ORC3: variants seen among roughly 807,000 people sequenced by gnomAD.
ORC3 encodes homolog of latheo, Drosophila.
A neutral mutation model predicts 100.7 loss-of-function variants in ORC3; 78 were observed. That is an observed-to-expected ratio of 0.77 (90% CI 0.65 to 0.94). The LOEUF (loss-of-function observed/expected upper bound fraction) is 0.94. Among genes scored for constraint, ORC3 ranks in the 40% least tolerant of loss-of-function variants. The pLI is 0.00. For synonymous variants in ORC3, 295 were observed against 289.3 expected, an observed-to-expected ratio of 1.02 and a Z score of -0.20; for missense variants, 789 against 823.9, an observed-to-expected ratio of 0.96 and a Z score of 0.52.
chr6:87,596,038 A>G (rs1777408328), intron 2 of ORC3, among the ~76,000 whole-genome samples: 1 of 151,400 alleles, frequency 6.6e-6, no homozygotes, highest in South Asian at 2.1e-4. Context: ...ACAGGGTCTC[A>G]CTTTGTTGCC....
chr6:87,591,903 G>A (rs1777039910), intron 1 of ORC3, among the ~76,000 whole-genome samples: 1 of 152,034 alleles, frequency 6.6e-6, no homozygotes, highest in Admixed American at 6.6e-5. Context: ...AGCTAATTTT[G>A]TATTTTTAGA....
chr6:87,661,567 T>C (rs1157867212), intron 16 of ORC3, among the ~76,000 whole-genome samples: 1 of 152,074 alleles, frequency 6.6e-6, no homozygotes, highest in Non-Finnish European at 1.5e-5. Flanking sequence ...ACAAAGCAAG[T>C]GTAGGGGATT....
chr6:87,597,004 T>C (rs1777495246), intron 2 of ORC3, among the ~76,000 whole-genome samples: 1 of 152,200 alleles, frequency 6.6e-6, no homozygotes, highest in African/African-American at 2.4e-5. Flanking sequence ...CTAGTGACCT[T>C]ATTCAATTCC....
At chr6:87,591,119 A>G (rs1562307396) in intron 1 of ORC3, among the ~76,000 whole-genome samples, 1 of 152,254 alleles carries the variant, frequency 6.6e-6, no homozygotes, top group African/African-American at 2.4e-5. Context: ...GTGCTCAATC[A>G]TCACATGTGG....
At chr6:87,643,516 A>G (rs1306554348) in intron 13 of ORC3, among the ~76,000 whole-genome samples, 1 of 152,170 alleles carries the variant, frequency 6.6e-6, no homozygotes, top group East Asian at 1.9e-4. Flanking sequence ...TAGGCAGTTG[A>G]TCTCAAATTG....
the ORC3 span, among the ~76,000 whole-genome samples, chr6:87,676,596 A>AAC: frequency 0.019 from 2,685 of 142,080 alleles, 33 homozygotes; most frequent in African/African-American, 0.026. Flanking sequence ...CTCTACTAAA[A>AAC]ACACACACAC....
intron 11 of ORC3, among the ~76,000 whole-genome samples, chr6:87,632,289 G>T (rs944558736): frequency 6.6e-6 from 1 of 152,186 alleles, no homozygotes; most frequent in Non-Finnish European, 1.5e-5. Context: ...CATTTGTGAT[G>T]TTTTTTGTTG....
downstream of ORC3, among the ~76,000 whole-genome samples, chr6:87,670,100 C>T (rs1562392578): frequency 1.3e-5 from 2 of 152,270 alleles, no homozygotes; most frequent in Non-Finnish European, 1.5e-5. Context: ...CCAACATAAA[C>T]GCATGTCATG....
intron 4 of ORC3, 147 bp downstream of exon 4, chr6:87,603,675 A>C: frequency 2.3e-6 from 1 of 435,632 alleles, no homozygotes; most frequent in Non-Finnish European, 4.1e-6. Flanking sequence ...TATAGTTTAT[A>C]TTACATATTT....
chr6:87,618,527 G>A (rs1042018360), intron 9 of ORC3, among the ~76,000 whole-genome samples: 13 of 152,136 alleles, frequency 8.5e-5, no homozygotes, highest in African/African-American at 2.7e-4. Context: ...AACATGCCCT[G>A]GGGTTCCATA....
intron 18 of ORC3, among the ~76,000 whole-genome samples, chr6:87,665,095 C>G (rs560616278): frequency 6.6e-6 from 1 of 152,290 alleles, no homozygotes; most frequent in African/African-American, 2.4e-5. Flanking sequence ...CAAGCCAATT[C>G]TGTGTTCATG....
chr6:87,663,976 G>C (rs143921773), intron 17 of ORC3, among the ~76,000 whole-genome samples: 57 of 152,184 alleles, frequency 3.7e-4, no homozygotes, highest in African/African-American at 1.3e-3. Flanking sequence ...TGAGTAGGAC[G>C]ATATAAGTCA....
At chr6:87,658,482 T>G (rs553220671) in intron 16 of ORC3, among the ~76,000 whole-genome samples, 1 of 152,220 alleles carries the variant, frequency 6.6e-6, no homozygotes, top group Admixed American at 6.5e-5. Context: ...AATTGTAATT[T>G]TTATTCTTTT....
chr6:87,648,821 T>C (rs1175022689), intron 13 of ORC3, among the ~76,000 whole-genome samples: 1 of 152,244 alleles, frequency 6.6e-6, no homozygotes, highest in East Asian at 1.9e-4. Context: ...CAGACCCTTT[T>C]TTGATACATA....
chr6:87,666,901 A>G (rs1770688068), intron 19 of ORC3, 117 bp from the exon 20 acceptor site: 2 of 590,866 alleles, frequency 3.4e-6, no homozygotes, highest in Non-Finnish European at 6.1e-6. Context: ...AGTTTAATTT[A>G]GGAGTTTATA....
chr6:87,595,140 G>GA (rs1435466291), intron 2 of ORC3: 2 of 152,158 alleles, frequency 1.3e-5, no homozygotes, highest in Non-Finnish European at 2.9e-5. Context: ...TACATGCTGA[G>GA]AAAAAAGCCC....
chr6:87,636,717 G>GA (rs1214982373), intron 13 of ORC3, among the ~76,000 whole-genome samples: 2 of 152,152 alleles, frequency 1.3e-5, no homozygotes, highest in African/African-American at 4.8e-5. Flanking sequence ...GTTTTTAAAG[G>GA]AAAATCCATG....
rs67349945 is a variant in ORC3 at position 87,610,934 on chromosome 6, C to CTTTTTT, written c.714-1140_714-1135dup. 1.0e-3 allele frequency among the ~76,000 whole-genome samples: 109 copies of CTTTTTT among 106,746 alleles called. 1 individual carries two copies. The highest frequency in any genetic ancestry group is 1.2e-3 in the Admixed American group (10 of 8,592). 70.0% of individuals were successfully genotyped at this position (106,746 alleles called of 152,430 possible). ...AAGAGTTCTATATATTAGGACTTTT[C>CTTTTTT]TTTTTTTTTTTTTTTTTTTTGAGAC... On this transcript the variant is annotated intron_variant, in intron 7 of 19. Coordinates refer to ENST00000392844, the MANE Select transcript of ORC3 (RefSeq NM_012381.4).
At chr6:87,650,750 A>G (rs894484087) in intron 13 of ORC3, among the ~76,000 whole-genome samples, 2 of 152,180 alleles carry the variant, frequency 1.3e-5, no homozygotes, top group African/African-American at 4.8e-5. Context: ...GCTCACGCCT[A>G]TAATCCCAGC....
Sources: allele counts gnomAD v4.1 joint callset (sites outside exome capture counted in the v4.1 genomes callset), GRCh38; gene constraint gnomAD v4.1.1; transcripts MANE v1.5; gene names NCBI Gene and HGNC (gene_info 2026-07-23, HGNC 2026-07-21).